The following EIF5A variants were observed in gnomAD, a reference collection of about 807,000 sequenced individuals.
EIF5A encodes the protein eukaryotic translation initiation factor 5A.
EIF5A carries 1 observed loss-of-function variant against 16.6 expected under a neutral mutation model. The observed-to-expected ratio is 0.06, with a 90% CI of 0.02 to 0.28. The LOEUF (loss-of-function observed/expected upper bound fraction) is 0.28, where lower values mean the gene tolerates loss of function less well. Among genes scored for constraint, EIF5A ranks in the 10% least tolerant of loss-of-function variants. The pLI is 1.00. For missense variants in EIF5A, 29 were observed against 196.1 expected (o/e 0.15, Z 5.09); for synonymous variants, 80 against 73.6 (o/e 1.09, Z -0.44).
chr17:7,311,811 C>T lies in EIF5A; in HGVS notation c.*12-11C>T, dbSNP rs1286643730. The T allele has an allele frequency of 1.3e-5, 13 of 1,029,714 alleles. No individual in the cohort carries two copies. The East Asian group carries it at 3.4e-4, about 27-fold the overall frequency. The allele number at this position is 1,029,714 out of a possible 1,614,324, so 63.8% of individuals were successfully genotyped here. A position where few individuals can be genotyped will look rare whatever the true frequency, so the allele number is the denominator to read the frequency against. ...ATTATCCTGTCTTACTAATTTCTCT[C>T]TCCTACCTAGGGTGGCGGTGGTGGC... On this transcript the variant is annotated splice_polypyrimidine_tract_variant and intron_variant, in intron 5 of 5. Transcript: ENST00000336458.
In EIF5A at chr17:7,311,120, C is replaced by T. The variant is rs1275722687; in HGVS notation, c.268C>T (p.Gln90Ter). 1 of 1,613,552 alleles carries T rather than the reference C, an allele frequency of 6.2e-7. No individual in the cohort carries two copies. The highest frequency in any genetic ancestry group is 1.7e-5 in the Admixed American group (1 of 59,958). ...CCCCAACATCAAAAGGAATGACTTC[C>T]AGGTATGTAGATGGTCTGGATGAGG... ...DVPNIKRNDFQLIGIQDGYLS... is the reference protein window; with the variant it reads ...DVPNIKRNDF The change falls in exon 3 of 6, where the codon CAG becomes TAG. Residue 90 changes from glutamine (Q) to a stop codon, truncating the protein, a stop_gained and splice_region_variant. Coordinates refer to ENST00000336458, the MANE Select transcript of EIF5A (RefSeq NM_001970.5). LOFTEE classifies it high-confidence loss of function.
chr17:7,307,064 G>A (rs77450485), upstream of EIF5A: 851 of 1,603,660 alleles, frequency 5.3e-4, 7 homozygotes, highest in African/African-American at 0.01. Flanking sequence ...GAACTGGGGG[G>A]ACTGATTCCA....
chr17:7,311,098 C>T lies in EIF5A; in HGVS notation c.246C>T (p.Pro82=), dbSNP rs2072811513. The change falls in exon 3 of 6, where the codon CCC becomes CCT. Residue 82 remains proline, a synonymous_variant. Transcript: ENST00000336458. ...ICPSTHNMDV[P]NIKRNDFQLI... is the part of the protein sequence containing the mutation. ...CGTCAACTCATAATATGGATGTCCC[C>T]AACATCAAAAGGAATGACTTCCAGG... 6.2e-7 allele frequency: 1 copy of T among 1,613,690 alleles called. No homozygotes were observed.
intron 2 of EIF5A, 153 bp downstream of exon 2, chr17:7,309,953 A>G (rs1336961860): frequency 2.6e-6 from 4 of 1,550,652 alleles, no homozygotes; most frequent in East Asian, 2.4e-5. Context: ...ACCCATTCAG[A>G]CAACTACACC....
At chr17:7,308,521 G>A in intron 1 of EIF5A, 1 of 1,351,590 alleles carries the variant, frequency 7.4e-7, no homozygotes, top group Non-Finnish European at 9.8e-7. Context: ...CAACCTCAAG[G>A]GCCCCAGGAG....
At chr17:7,310,109 C>G in intron 2 of EIF5A, 1 of 1,357,194 alleles carries the variant, frequency 7.4e-7, no homozygotes, top group Non-Finnish European at 9.7e-7. Context: ...CTTCCTTATT[C>G]TTGGTTTTCA....
At position 7,311,839 on chromosome 17, in the gene EIF5A, C is replaced by T; in HGVS notation, c.*29C>T. ...CTACCTAGGGTGGCGGTGGTGGCAG[C>T]AGTGATCCTCTGAACCTGCAGAGGC... is the stretch of plus-strand genomic sequence containing the variant. On this transcript the variant is annotated 3_prime_UTR_variant, in exon 6 of 6. Transcript: ENST00000336458. The T allele has an allele frequency of 1.2e-6, 1 of 821,230 alleles. No individual in the cohort carries two copies. The highest frequency in any genetic ancestry group is 1.9e-6 in the Non-Finnish European group (1 of 515,256). 50.9% of individuals were successfully genotyped at this position (821,230 alleles called of 1,614,324 possible). A position where few individuals can be genotyped will look rare whatever the true frequency, so the allele number is the denominator to read the frequency against.
At chr17:7,310,516 A>G (rs4796400) in intron 2 of EIF5A, 173,898 of 1,159,724 alleles carry the variant, frequency 0.15, 14,544 homozygotes, top group East Asian at 0.36. Flanking sequence ...ATTATTCTCT[A>G]GTGTCTGGAT....
chr17:7,308,709 A>G, intron 1 of EIF5A: 1 of 679,454 alleles, frequency 1.5e-6, no homozygotes, highest in South Asian at 1.7e-5. Flanking sequence ...CCACCGTGAT[A>G]GGCGTTCTTC....
At chr17:7,311,144 G>C (rs1371436129) in intron 3 of EIF5A, 22 bp downstream of exon 3, 1 of 1,612,174 alleles carries the variant, frequency 6.2e-7, no homozygotes, top group Non-Finnish European at 8.5e-7. Flanking sequence ...GTCTGGATGA[G>C]GATGGGTTAG....
chr17:7,307,101 A>C (rs764723210), upstream of EIF5A: 6 of 1,600,620 alleles, frequency 3.7e-6, no homozygotes, highest in Non-Finnish European at 3.4e-6. Context: ...CCACAGAGCA[A>C]GTTTTCTGAA....
At chr17:7,311,759 G>A (rs186932482) in intron 5 of EIF5A, 63 bp from the exon 6 acceptor site, 3 of 1,385,634 alleles carry the variant, frequency 2.2e-6, no homozygotes, top group South Asian at 2.5e-5. Context: ...GCCTGGCTCT[G>A]TCCTCCCTAT....
At chr17:7,311,733 T>C in intron 5 of EIF5A, 82 bp downstream of exon 5, 1 of 1,561,266 alleles carries the variant, frequency 6.4e-7, no homozygotes, top group Non-Finnish European at 8.8e-7. Flanking sequence ...TGTTTCAGGC[T>C]TACTTTCTGC....
chr17:7,307,608 A>C, upstream of EIF5A: 2 of 1,020,550 alleles, frequency 2.0e-6, no homozygotes, highest in Non-Finnish European at 2.3e-6. Context: ...TTGGTTGGTC[A>C]GTGGGGAGTC....
At position 7,308,242 on chromosome 17, in the gene EIF5A, G is replaced by C. The variant is rs1003296960; in HGVS notation, c.-22+490G>C. 186 of 1,027,654 alleles carry C rather than the reference G, an allele frequency of 1.8e-4. 1 individual carries two copies. The African/African-American group carries it at 3.1e-3, about 17-fold the overall frequency. The allele number at this position is 1,027,654 out of a possible 1,614,324, so 63.7% of individuals were successfully genotyped here. On this transcript the variant is annotated intron_variant, in intron 1 of 5. Transcript: ENST00000336458. The stretch of plus-strand genomic sequence containing the variant: ...AGGGGGCGGCCGCGGCACCGGAAGT[G>C]CCCCCCACGGGAGGCTGCCCTCGGG...
chr17:7,307,405 A>C, upstream of EIF5A: 1 of 1,152,536 alleles, frequency 8.7e-7, no homozygotes, highest in Non-Finnish European at 1.1e-6. Context: ...AGATTAAAAA[A>C]CCGGGTGCGC....
intron 2 of EIF5A, chr17:7,310,410 C>T (rs2072784294): frequency 7.6e-6 from 9 of 1,183,874 alleles, no homozygotes; most frequent in Non-Finnish European, 9.6e-6. Flanking sequence ...CTTTTCCTGT[C>T]TCTTTAGAAT....
chr17:7,310,467 A>C (rs2072787075), intron 2 of EIF5A: 1 of 1,171,046 alleles, frequency 8.5e-7, no homozygotes, highest in Admixed American at 4.4e-5. Context: ...GTTTTTCCTT[A>C]ATCAGTTTTT....
At position 7,308,433 on chromosome 17, in the gene EIF5A, G is replaced by A. The variant is rs1274382778; in HGVS notation, c.-22+681G>A. On this transcript the variant is annotated intron_variant, in intron 1 of 5. Transcript: ENST00000336458. ...TCGCGGGGGTTCCGAGGGGGCCTGA[G>A]ATTTTGAGGAGTGGAAGCCGGAGGC... is the stretch of plus-strand genomic sequence containing the variant. The A allele has an allele frequency of 1.4e-5, 18 of 1,322,118 alleles. No homozygotes were observed. In the East Asian group the frequency reaches 8.9e-4, roughly 65 times the overall value. The allele number at this position is 1,322,118 out of a possible 1,614,324, so 81.9% of individuals were successfully genotyped here.
Sources: gnomAD v4.1 joint callset for allele counts on GRCh38, gnomAD v4.1.1 for gene constraint, MANE v1.5 for transcripts, NCBI Gene and HGNC (gene_info 2026-07-23, HGNC 2026-07-21) for gene names.